SLC44A5: variants seen among roughly 807,000 people sequenced by gnomAD.
SLC44A5 encodes the protein choline transporter-like protein 5.
A neutral mutation model predicts 101.8 loss-of-function variants in SLC44A5; 57 were observed. The observed-to-expected ratio is 0.56, with a 90% CI of 0.45 to 0.70. The LOEUF (loss-of-function observed/expected upper bound fraction) is 0.70, where lower values mean the gene tolerates loss of function less well. SLC44A5 is among the 30% of genes least tolerant of loss of function. The pLI, the probability that SLC44A5 is intolerant of heterozygous loss-of-function variation, is 0.00. For missense variants in SLC44A5, 737 were observed against 853.1 expected (o/e 0.86, Z 1.70); for synonymous variants, 281 against 290.9 (o/e 0.97, Z 0.35).
intron 22 of SLC44A5, among the ~76,000 whole-genome samples, chr1:75,212,325 C>T (rs760182389): frequency 2.5e-4 from 38 of 151,968 alleles, no homozygotes; most frequent in Non-Finnish European, 1.2e-4. Flanking sequence ...GGTAGTTTTT[C>T]GATCTTCTCC....
the SLC44A5 span, chr1:75,723,567 TTTTC>T: frequency 1.3e-5 from 2 of 152,194 alleles, no homozygotes; most frequent in Admixed American, 1.3e-4. Flanking sequence ...TTCGTTCATC[TTTTC>T]TGTGTTTAAA....
chr1:75,244,679 A>T (rs1449510165), intron 7 of SLC44A5, among the ~76,000 whole-genome samples: 1 of 152,104 alleles, frequency 6.6e-6, no homozygotes, highest in Non-Finnish European at 1.5e-5. Context: ...GGGGCCTATC[A>T]GTGCCAAGCC....
intron 2 of SLC44A5, among the ~76,000 whole-genome samples, chr1:75,421,075 T>C (rs1402583883): frequency 2.6e-5 from 4 of 152,128 alleles, no homozygotes; most frequent in East Asian, 1.9e-4. Context: ...TCTCACAGGA[T>C]TGTTTTCAAA....
chr1:75,587,921 C>T (rs992953909), intron 1 of SLC44A5, among the ~76,000 whole-genome samples: 31 of 152,000 alleles, frequency 2.0e-4, no homozygotes, highest in Non-Finnish European at 3.5e-4. Context: ...CTCTCTCTCT[C>T]TCTGTTTCCT....
At chr1:75,661,207 T>C in the SLC44A5 span, among the ~76,000 whole-genome samples, 1,022 of 152,006 alleles carry the variant, frequency 6.7e-3, 16 homozygotes, top group Admixed American at 0.037. Flanking sequence ...AACTTATTTT[T>C]GACAAAGGCA....
chr1:75,217,831 T>C lies in SLC44A5; in HGVS notation c.1624+35A>G, dbSNP rs572468496. On this transcript the variant is annotated intron_variant, in intron 18 of 23. Transcript: ENST00000370859. ...TCCCCCAACCCCCAACCCAATTTAT[T>C]ATCTTCACAAAAGTCAGGACATCTG... 2.3e-4 allele frequency: 315 copies of C among 1,375,554 alleles called. 2 individuals are homozygous for C. In the South Asian group the frequency reaches 3.5e-3, roughly 15 times the overall value. 85.2% of individuals were successfully genotyped at this position (1,375,554 alleles called of 1,614,324 possible).
chr1:75,665,356 G>T, the SLC44A5 span, among the ~76,000 whole-genome samples: 2 of 152,244 alleles, frequency 1.3e-5, no homozygotes, highest in African/African-American at 4.8e-5. Context: ...AGTAGGGAAA[G>T]AACTCTCTAT....
chr1:75,610,136 T>TACAC (rs144198306), intron 1 of SLC44A5, among the ~76,000 whole-genome samples: 11,233 of 144,108 alleles, frequency 0.078, 551 homozygotes, highest in African/African-American at 0.14. Context: ...AGTCAAGAAA[T>TACAC]ACACACACAC....
intron 5 of SLC44A5, among the ~76,000 whole-genome samples, chr1:75,297,764 G>A (rs570081311): frequency 6.6e-6 from 1 of 152,096 alleles, no homozygotes; most frequent in African/African-American, 2.4e-5. Flanking sequence ...TTACCATAAA[G>A]GTTAGTTTGA....
intron 2 of SLC44A5, among the ~76,000 whole-genome samples, chr1:75,524,998 C>A (rs1670335357): frequency 6.6e-6 from 1 of 151,900 alleles, no homozygotes; most frequent in Non-Finnish European, 1.5e-5. Flanking sequence ...GTAATTCAGT[C>A]CCAGTTGATG....
In SLC44A5 at chr1:75,611,051, T is replaced by C. The variant is rs776502827; in HGVS notation, c.-81A>G. 1.4e-5 allele frequency: 14 copies of C among 985,252 alleles called. No individual in the cohort carries two copies. Among genetic ancestry groups the C allele is most frequent in the South Asian group, 4.7e-5 (1 of 21,282 alleles). The allele number at this position is 985,252 out of a possible 1,614,324, so 61.0% of individuals were successfully genotyped here. ...GCAGTATCACTCACCTCTTACTCCA[T>C]CATTTCTTCAATAACTCCATCAACA... On this transcript the variant is annotated 5_prime_UTR_variant, in exon 1 of 24. It removes an upstream start codon present in the reference 5' UTR. Coordinates refer to ENST00000370859, the MANE Select transcript of SLC44A5 (RefSeq NM_001130058.2).
chr1:75,504,865 T>C (rs1268046198), intron 2 of SLC44A5, among the ~76,000 whole-genome samples: 2 of 152,168 alleles, frequency 1.3e-5, no homozygotes, highest in African/African-American at 4.8e-5. Context: ...TTATTTTAGA[T>C]TCAAGGGATA....
At chr1:75,273,911 C>T (rs372561283) in intron 6 of SLC44A5, among the ~76,000 whole-genome samples, 2 of 152,042 alleles carry the variant, frequency 1.3e-5, no homozygotes, top group South Asian at 2.1e-4. Flanking sequence ...AGGAGGAGCC[C>T]CTCTTTCTCT....
the SLC44A5 span, among the ~76,000 whole-genome samples, chr1:75,647,196 T>C: frequency 1.3e-5 from 2 of 152,170 alleles, no homozygotes; most frequent in African/African-American, 4.8e-5. Context: ...GGCCAACATA[T>C]AGCCCAGGCC....
the SLC44A5 span, among the ~76,000 whole-genome samples, chr1:75,693,149 G>T: frequency 6.6e-6 from 1 of 152,188 alleles, no homozygotes; most frequent in African/African-American, 2.4e-5. Context: ...GAATTGGAAA[G>T]ATAATTACAG....
intron 20 of SLC44A5, among the ~76,000 whole-genome samples, chr1:75,214,273 A>T (rs1038198688): frequency 1.4e-4 from 21 of 151,722 alleles, no homozygotes; most frequent in African/African-American, 4.6e-4. Flanking sequence ...AGGATGCTGT[A>T]TTGTTCTCTG....
chr1:75,257,880 T>C (rs1446380127), intron 6 of SLC44A5, among the ~76,000 whole-genome samples: 1 of 151,898 alleles, frequency 6.6e-6, no homozygotes, highest in Non-Finnish European at 1.5e-5. Context: ...AGTTGGACAG[T>C]GGGTGTAGCC....
the SLC44A5 span, among the ~76,000 whole-genome samples, chr1:75,712,527 A>G: frequency 6.6e-6 from 1 of 152,202 alleles, no homozygotes; most frequent in Admixed American, 6.5e-5. Context: ...GTGTCAATGA[A>G]TGTAAAACTG....
chr1:75,418,905 A>G (rs545026784), intron 2 of SLC44A5, among the ~76,000 whole-genome samples: 15 of 152,334 alleles, frequency 9.8e-5, no homozygotes, highest in African/African-American at 3.6e-4. Context: ...AAAATAAAAT[A>G]CAACAGTTTT....
Sources: allele counts gnomAD v4.1 joint callset (sites outside exome capture counted in the v4.1 genomes callset), GRCh38; gene constraint gnomAD v4.1.1; transcripts MANE v1.5; gene names NCBI Gene and HGNC (gene_info 2026-07-23, HGNC 2026-07-21).